The following TTC13 variants were observed in gnomAD, a reference collection of about 807,000 sequenced individuals.
The protein encoded by TTC13 is tetratricopeptide repeat protein 13.
Under a neutral mutation model 120.0 loss-of-function variants are expected in TTC13, and 62 were observed. That is an observed-to-expected ratio of 0.52 (90% CI 0.42 to 0.64). The LOEUF (loss-of-function observed/expected upper bound fraction) is 0.64, where lower values mean the gene tolerates loss of function less well. Ranked by LOEUF, TTC13 falls within the 30% of genes least tolerant of loss-of-function variation. The pLI is 0.00. For synonymous variants in TTC13, 384 were observed against 393.5 expected, an observed-to-expected ratio of 0.98 and a Z score of 0.28; for missense variants, 824 against 1,050.2, an observed-to-expected ratio of 0.78 and a Z score of 2.98.
At chr1:230,959,327 A>C (rs1248266134) in intron 2 of TTC13, among the ~76,000 whole-genome samples, 1 of 152,238 alleles carries the variant, frequency 6.6e-6, no homozygotes, top group Non-Finnish European at 1.5e-5. Context: ...TCTGATTTTA[A>C]GTTGTTTGTA....
intron 20 of TTC13, among the ~76,000 whole-genome samples, chr1:230,909,832 C>T (rs114535763): frequency 1.5e-3 from 224 of 152,152 alleles, no homozygotes; most frequent in African/African-American, 5.0e-3. Context: ...CTCGGAGGCT[C>T]GTGGGGCAAG....
chr1:230,969,813 G>T (rs1677538926), intron 1 of TTC13, among the ~76,000 whole-genome samples: 1 of 152,134 alleles, frequency 6.6e-6, no homozygotes, highest in African/African-American at 2.4e-5. Context: ...AAGAATAAAG[G>T]GTATAAAGCC....
At position 230,912,663 on chromosome 1, in the gene TTC13, G is replaced by A. The variant is rs1443320599; in HGVS notation, c.2189C>T (p.Thr730Ile). 1.2e-6 allele frequency: 2 copies of A among 1,612,408 alleles called. No individual in the cohort carries two copies. Among genetic ancestry groups the A allele is most frequent in the Non-Finnish European group, 1.7e-6 (2 of 1,179,620 alleles). Reference protein sequence around the residue: ...AEIDALYKDLTAKGKVLILSS... With the variant: ...AEIDALYKDLIAKGKVLILSS... ...AAGAATCAATACTTTTCCTTTTGCT[G>A]TCAAATCTTTATAAAGTGCATCTAT... The change falls in exon 19 of 23, where the codon ACA becomes ATA. Residue 730 changes from threonine to isoleucine, a missense_variant. Physicochemically the swap from Thr to Ile is moderately conservative, Grantham distance 89. Coordinates refer to ENST00000366661, the MANE Select transcript of TTC13 (RefSeq NM_024525.5).
rs1671127625 is a variant in TTC13, at chr1:230,908,170, A to C, written c.2468+542T>G. Among the ~76,000 whole-genome samples the C allele has an allele frequency of 3.3e-5, 5 of 152,280 alleles. No homozygotes were observed. In the South Asian group the frequency reaches 1.0e-3, roughly 32 times the overall value. ...AAGACTTTGGTAATTTTCTTTCACC[A>C]ACTACTTTTTAAATTTTTTATTCAT... is the stretch of plus-strand genomic sequence containing the variant. On this transcript the variant is annotated intron_variant, in intron 22 of 22. Transcript: ENST00000366661.
Position 230,919,040 on chromosome 1 carries a change from A to G in TTC13, c.1983+1470T>C, listed in dbSNP as rs1247626684. On this transcript the variant is annotated intron_variant, in intron 17 of 22. Coordinates refer to ENST00000366661, the MANE Select transcript of TTC13 (RefSeq NM_024525.5). The stretch of plus-strand genomic sequence containing the variant: ...ATAATTCTTAATGGATTATACTTTA[A>G]TCAAATAATTTCTGTCCCTTTTAGT... Among the ~76,000 whole-genome samples the G allele has an allele frequency of 2.0e-5, 3 of 152,188 alleles. No individual in the cohort carries two copies. The East Asian group carries it at 5.8e-4, about 29-fold the overall frequency.
At chr1:230,951,371 G>A (rs1276184166) in intron 4 of TTC13, among the ~76,000 whole-genome samples, 1 of 149,782 alleles carries the variant, frequency 6.7e-6, no homozygotes, top group East Asian at 2.0e-4. Context: ...CTCATGAGCT[G>A]TCTAAAAAAA....
At chr1:230,928,828 C>T in intron 12 of TTC13, 109 bp downstream of exon 12, 1 of 1,055,326 alleles carries the variant, frequency 9.5e-7, no homozygotes, top group Non-Finnish European at 1.3e-6. Context: ...TGGCCCCAGG[C>T]AATTCTACCT....
At chr1:230,936,912 C>T (rs1233877728) in intron 8 of TTC13, among the ~76,000 whole-genome samples, 2 of 152,240 alleles carry the variant, frequency 1.3e-5, no homozygotes, top group Admixed American at 6.5e-5. Context: ...TCCACTCCTT[C>T]TATACCTCAT....
intron 22 of TTC13, among the ~76,000 whole-genome samples, 178 bp from the exon 23 acceptor site, chr1:230,907,197 C>A (rs1405548923): frequency 6.6e-6 from 1 of 152,206 alleles, no homozygotes; most frequent in Admixed American, 6.5e-5. Context: ...CAACGGCCTG[C>A]GGCATCAGCC....
chr1:230,928,875 G>C (rs1673282105), intron 12 of TTC13, 62 bp downstream of exon 12: 1 of 1,575,760 alleles, frequency 6.3e-7, no homozygotes, highest in South Asian at 1.1e-5. Flanking sequence ...GTGCCACCAT[G>C]CCCAGCTTAT....
At chr1:230,909,833 G>A (rs1671321728) in intron 20 of TTC13, among the ~76,000 whole-genome samples, 1 of 152,132 alleles carries the variant, frequency 6.6e-6, no homozygotes, top group Admixed American at 6.6e-5. Flanking sequence ...TCGGAGGCTC[G>A]TGGGGCAAGG....
chr1:230,955,763 G>A lies in TTC13; in HGVS notation c.443-1360C>T, dbSNP rs544060240. 5.3e-5 allele frequency among the ~76,000 whole-genome samples: 8 copies of A among 151,502 alleles called. No individual in the cohort carries two copies. In the East Asian group the frequency reaches 1.4e-3, roughly 26 times the overall value. On this transcript the variant is annotated intron_variant, in intron 3 of 22. Coordinates refer to ENST00000366661, the MANE Select transcript of TTC13 (RefSeq NM_024525.5). ...TACATTCATAAATCAATAAAATAAA[G>A]TTCAAATTGAACACCATAATAATAT...
chr1:230,975,471 A>G (rs1264629995), intron 1 of TTC13, among the ~76,000 whole-genome samples: 1 of 152,228 alleles, frequency 6.6e-6, no homozygotes, highest in Non-Finnish European at 1.5e-5. Context: ...AAGTGAGGAA[A>G]GAATTGGAAA....
rs1488853157 is a variant in TTC13 at position 230,944,892 on chromosome 1, G to C, written c.579+497C>G. ...TTTTTATACCATAGTACCTTTGTTT[G>C]TGTAAAATATGATTATTATAGTCCT... is the stretch of plus-strand genomic sequence containing the variant. On this transcript the variant is annotated intron_variant, in intron 5 of 22. Transcript: ENST00000366661. This position sits in a 1 kb window ranked among gnomAD's most constrained non-coding sequence, Gnocchi z 4.0. 1.3e-5 allele frequency among the ~76,000 whole-genome samples: 2 copies of C among 152,044 alleles called. No individual in the cohort carries two copies. Among genetic ancestry groups the C allele is most frequent in the Non-Finnish European group, 2.9e-5 (2 of 68,006 alleles).
At position 230,975,723 on chromosome 1, in the gene TTC13, AT is replaced by A. The variant is rs140580484; in HGVS notation, c.271+2836del. Among the ~76,000 whole-genome samples the A allele has an allele frequency of 9.6e-3, 1,469 of 152,322 alleles. 24 individuals carry two copies. The highest frequency in any genetic ancestry group is 0.033 in the African/African-American group (1,384 of 41,570). ...AATGTAAAAATGTGGAGTAGAAAAT[AT>A]TAAGGGCGGATCAGGAAACATGCAA... On this transcript the variant is annotated intron_variant, in intron 1 of 22. Coordinates refer to ENST00000366661, the MANE Select transcript of TTC13 (RefSeq NM_024525.5).
At chr1:230,976,001 A>G (rs1404493534) in intron 1 of TTC13, among the ~76,000 whole-genome samples, 1 of 152,218 alleles carries the variant, frequency 6.6e-6, no homozygotes, top group African/African-American at 2.4e-5. Context: ...TACTGCTTGT[A>G]AGAAGGTATG....
At chr1:230,910,227 C>T (rs1010415075) in intron 20 of TTC13, among the ~76,000 whole-genome samples, 3 of 152,092 alleles carry the variant, frequency 2.0e-5, no homozygotes, top group African/African-American at 7.2e-5. Context: ...TCTGCAACCT[C>T]CAGGGTCCCA....
intron 1 of TTC13, among the ~76,000 whole-genome samples, chr1:230,977,131 T>C (rs894315851): frequency 6.6e-6 from 1 of 152,202 alleles, no homozygotes. Context: ...ATGTTTCAGT[T>C]TGTTCATCTG....
At chr1:230,975,352 C>A (rs1359801052) in intron 1 of TTC13, among the ~76,000 whole-genome samples, 2 of 152,036 alleles carry the variant, frequency 1.3e-5, no homozygotes, top group Non-Finnish European at 2.9e-5. Flanking sequence ...ACCTCCTGGG[C>A]AACAGAGCAA....
Sources: allele counts gnomAD v4.1 joint callset (sites outside exome capture counted in the v4.1 genomes callset), GRCh38; gene constraint gnomAD v4.1.1; non-coding constraint Gnocchi (gnomAD v3.1); transcripts MANE v1.5; gene names NCBI Gene and HGNC (gene_info 2026-07-23, HGNC 2026-07-21).